Variants in KIF2C observed in about 807,000 individuals in gnomAD.
The protein encoded by KIF2C is kinesin-like protein KIF2C.
KIF2C carries 34 observed loss-of-function variants against 97.4 expected under a neutral mutation model. That is an observed-to-expected ratio of 0.35 (90% CI 0.27 to 0.46). The LOEUF is 0.46. KIF2C is among the 20% of genes least tolerant of loss of function. The probability of loss-of-function intolerance (pLI) is 1.00; values close to 1 mark genes in which losing one functional copy is unlikely to be tolerated. For missense variants in KIF2C, 750 were observed against 907.6 expected (o/e 0.83, Z 2.23); for synonymous variants, 313 against 318.2 (o/e 0.98, Z 0.17).
At chr1:44,762,018 A>G (rs1233621156) in intron 17 of KIF2C, 35 bp downstream of exon 17, 3 of 1,585,438 alleles carry the variant, frequency 1.9e-6, no homozygotes, top group Non-Finnish European at 2.6e-6. Flanking sequence ...GATGCGGAAC[A>G]GGACTGGGCA....
chr1:44,742,083 T>C (rs548199785), intron 2 of KIF2C, among the ~76,000 whole-genome samples: 1 of 149,500 alleles, frequency 6.7e-6, no homozygotes, highest in African/African-American at 2.5e-5. Context: ...ATTGAAGCAA[T>C]CAATAATTTT....
intron 1 of KIF2C, 150 bp from the exon 2 acceptor site, chr1:44,740,763 T>G: frequency 1.8e-6 from 1 of 549,052 alleles, no homozygotes; most frequent in Non-Finnish European, 3.2e-6. Context: ...CCCAGGAGAT[T>G]TATTTGTTTC....
In KIF2C at chr1:44,767,415, C is replaced by G. The variant is rs542998610; in HGVS notation, c.*236C>G. ...CACGAGAGGAAGGAGCTCTTAGTTACCCTTTTGTGTTGCCCTTCTTTCCAT... is the reference window on the plus strand; with the variant it reads ...CACGAGAGGAAGGAGCTCTTAGTTAGCCTTTTGTGTTGCCCTTCTTTCCAT... On this transcript the variant is annotated 3_prime_UTR_variant, in exon 21 of 21. Coordinates refer to ENST00000372224, the MANE Select transcript of KIF2C (RefSeq NM_006845.4). The G allele has an allele frequency of 1.3e-5, 6 of 446,680 alleles. No homozygotes were observed. Among genetic ancestry groups the G allele is most frequent in the South Asian group, 1.3e-4 (6 of 45,932 alleles). 27.7% of individuals were successfully genotyped at this position (446,680 alleles called of 1,614,324 possible).
Position 44,767,352 on chromosome 1 carries a change from C to T in KIF2C, c.*173C>T. ...GCAGCTGGGGAGGGGGTCAGAGTGA[C>T]ATGGGACACTCCTTTTCTGTTCCTC... is the stretch of plus-strand genomic sequence containing the variant. On this transcript the variant is annotated 3_prime_UTR_variant, in exon 21 of 21. Transcript: ENST00000372224. 2 of 579,342 alleles carry T rather than the reference C, an allele frequency of 3.5e-6. No homozygotes were observed. Among genetic ancestry groups the T allele is most frequent in the Non-Finnish European group, 6.2e-6 (2 of 320,794 alleles). 35.9% of individuals were successfully genotyped at this position (579,342 alleles called of 1,614,324 possible). A position where few individuals can be genotyped will look rare whatever the true frequency, so the allele number is the denominator to read the frequency against.
rs747728783 is a variant in KIF2C at position 44,762,328 on chromosome 1, ACCT to A, written c.1752-14_1752-12del. On this transcript the variant is annotated splice_polypyrimidine_tract_variant and intron_variant, in intron 17 of 20. Transcript: ENST00000372224. ...CCAAGGGGGTGCTGTGGGATCTGAG[ACCT>A]CCTTGTTTCCTCAGGGTCAAGGAGC... is the stretch of plus-strand genomic sequence containing the variant. 8 of 1,603,030 alleles carry A rather than the reference ACCT, an allele frequency of 5.0e-6. No individual in the cohort carries two copies. Among genetic ancestry groups the A allele is most frequent in the South Asian group, 3.3e-5 (3 of 90,788 alleles).
Position 44,747,634 on chromosome 1 carries a change from A to G in KIF2C, c.268-18A>G, listed in dbSNP as rs1649282372. 4.3e-6 allele frequency: 7 copies of G among 1,613,356 alleles called. No individual in the cohort carries two copies. Among genetic ancestry groups the G allele is most frequent in the Non-Finnish European group, 5.1e-6 (6 of 1,179,520 alleles). ...TTGATAAGAGCCATATATTGTGACA[A>G]TTTGATTTGTTTTTCAGAAACAAAA... On this transcript the variant is annotated intron_variant, in intron 3 of 20. Coordinates refer to ENST00000372224, the MANE Select transcript of KIF2C (RefSeq NM_006845.4).
intron 2 of KIF2C, among the ~76,000 whole-genome samples, chr1:44,745,921 G>GGC (rs1557589560): frequency 6.6e-6 from 1 of 151,886 alleles, no homozygotes; most frequent in Non-Finnish European, 1.5e-5. Flanking sequence ...GTGTCGCCCA[G>GGC]GCTGGAGTGC....
In KIF2C at chr1:44,767,222, T is replaced by TC. The variant is rs765323551; in HGVS notation, c.*46dup. 1.9e-6 allele frequency: 3 copies of TC among 1,557,734 alleles called. No homozygotes were observed. In the African/African-American group the frequency reaches 4.1e-5, roughly 21 times the overall value. Reference sequence around the variant, plus strand: ...CTGTTTGGTTTGACACCCAGCCTCTTCCCTGGCCCTCCCCAGAGAACTTTG... The same window carrying TC: ...CTGTTTGGTTTGACACCCAGCCTCTTCCCCTGGCCCTCCCCAGAGAACTTTG... On this transcript the variant is annotated 3_prime_UTR_variant, in exon 21 of 21. Coordinates refer to ENST00000372224, the MANE Select transcript of KIF2C (RefSeq NM_006845.4).
chr1:44,754,562 G>A (rs984719417), intron 7 of KIF2C, among the ~76,000 whole-genome samples, 188 bp from the exon 8 acceptor site: 3 of 152,144 alleles, frequency 2.0e-5, no homozygotes, highest in Admixed American at 1.3e-4. Context: ...GTGCTTTGGC[G>A]TATGCTTAGG....
intron 17 of KIF2C, 143 bp from the exon 18 acceptor site, chr1:44,762,203 T>G: frequency 2.2e-6 from 2 of 905,544 alleles, no homozygotes; most frequent in Non-Finnish European, 3.7e-6. Context: ...CAGTCCAGCT[T>G]TAGTTTTCTC....
rs893631526 is a variant in KIF2C at position 44,754,864 on chromosome 1, C to G, written c.759+19C>G. Reference sequence around the variant, plus strand: ...TGATCCTGTAAGTACATCCAAAGAACTTCTCTTTCTTAAGTGTACAATTGA... The same window carrying G: ...TGATCCTGTAAGTACATCCAAAGAAGTTCTCTTTCTTAAGTGTACAATTGA... On this transcript the variant is annotated intron_variant, in intron 8 of 20. Coordinates refer to ENST00000372224, the MANE Select transcript of KIF2C (RefSeq NM_006845.4). 1 of 1,432,172 alleles carries G rather than the reference C, an allele frequency of 7.0e-7. No homozygotes were observed. The highest frequency in any genetic ancestry group is 1.4e-5 in the African/African-American group (1 of 71,350). The allele number at this position is 1,432,172 out of a possible 1,614,324, so 88.7% of individuals were successfully genotyped here. A position where few individuals can be genotyped will look rare whatever the true frequency, so the allele number is the denominator to read the frequency against.
At chr1:44,746,836 A>T in intron 2 of KIF2C, 1 of 1,359,696 alleles carries the variant, frequency 7.4e-7, no homozygotes, top group Non-Finnish European at 1.0e-6. Context: ...GTAAAGTTTG[A>T]ATTTAGGGGT....
chr1:44,767,180 C>G lies in KIF2C; in HGVS notation c.*1C>G. 1 of 1,613,736 alleles carries G rather than the reference C, an allele frequency of 6.2e-7. No individual in the cohort carries two copies. The highest frequency in any genetic ancestry group is 1.1e-5 in the South Asian group (1 of 91,054). ...AAGCAGCAAGAAACGGCCCCAGTGA[C>G]GACTGCAAATAAAAATCTGTTTGGT... is the stretch of plus-strand genomic sequence containing the variant. On this transcript the variant is annotated 3_prime_UTR_variant, in exon 21 of 21. Transcript: ENST00000372224.
At chr1:44,740,152 A>C in intron 1 of KIF2C, 150 bp downstream of exon 1, 1 of 928,844 alleles carries the variant, frequency 1.1e-6, no homozygotes, top group South Asian at 1.4e-5. Context: ...CTGCACTGGC[A>C]GTCATTCTTG....
At chr1:44,756,298 C>T in intron 10 of KIF2C, 61 bp downstream of exon 10, 1 of 1,532,050 alleles carries the variant, frequency 6.5e-7, no homozygotes, top group Non-Finnish European at 9.0e-7. Context: ...TTTTGTGGGA[C>T]ATCGTGGTAA....
chr1:44,762,237 G>C (rs1274119764), intron 17 of KIF2C, 109 bp from the exon 18 acceptor site: 1 of 1,047,908 alleles, frequency 9.5e-7, no homozygotes, highest in Non-Finnish European at 1.5e-6. Context: ...AGGCAAGGTT[G>C]CCATTCCATC....
intron 2 of KIF2C, 122 bp downstream of exon 2, chr1:44,741,129 TC>T: frequency 1.4e-6 from 1 of 707,114 alleles, no homozygotes; most frequent in Non-Finnish European, 2.3e-6. Flanking sequence ...ACGCCTGTAA[TC>T]CCAGAACTTT....
chr1:44,767,704 G>T lies in KIF2C; in HGVS notation c.*525G>T, dbSNP rs1242314097. 1 of 160,010 alleles carries T rather than the reference G, an allele frequency of 6.2e-6. No individual in the cohort carries two copies. Among genetic ancestry groups the T allele is most frequent in the East Asian group, 1.8e-4 (1 of 5,442 alleles). 9.9% of individuals were successfully genotyped at this position (160,010 alleles called of 1,614,324 possible). A position where few individuals can be genotyped will look rare whatever the true frequency, so the allele number is the denominator to read the frequency against. On this transcript the variant is annotated 3_prime_UTR_variant, in exon 21 of 21. Coordinates refer to ENST00000372224, the MANE Select transcript of KIF2C (RefSeq NM_006845.4). Reference sequence around the variant, plus strand: ...GGATCCCTACTGTTTTCTGTTTTATGTGTTTATACATTGTATGTAACAATA... The same window carrying T: ...GGATCCCTACTGTTTTCTGTTTTATTTGTTTATACATTGTATGTAACAATA...
intron 2 of KIF2C, among the ~76,000 whole-genome samples, chr1:44,745,525 G>A (rs1427208263): frequency 7.9e-6 from 1 of 126,700 alleles, no homozygotes; most frequent in Non-Finnish European, 1.6e-5. Flanking sequence ...CCAGGCTGGA[G>A]TGTGATGGCG....
Sources: allele counts gnomAD v4.1 joint callset (sites outside exome capture counted in the v4.1 genomes callset), GRCh38; gene constraint gnomAD v4.1.1; transcripts MANE v1.5; gene names NCBI Gene and HGNC (gene_info 2026-07-23, HGNC 2026-07-21).